The following KAZN variants were observed in gnomAD, a reference collection of about 807,000 sequenced individuals.
KAZN encodes the protein kazrin.
In KAZN, 40 loss-of-function variants were observed where a neutral mutation model predicts 87.4. The observed-to-expected ratio is 0.46, with a 90% CI of 0.36 to 0.60. The LOEUF is 0.60. Among genes scored for constraint, KAZN ranks in the 20% least tolerant of loss-of-function variants. The pLI, the probability that KAZN is intolerant of heterozygous loss-of-function variation, is 0.00. For synonymous variants in KAZN, 466 were observed against 458.3 expected, an observed-to-expected ratio of 1.02 and a Z score of -0.22; for missense variants, 898 against 1,073.9, an observed-to-expected ratio of 0.84 and a Z score of 2.29.
intron 1 of KAZN, among the ~76,000 whole-genome samples, chr1:14,111,295 C>G (rs1644494668): frequency 7.5e-6 from 1 of 134,066 alleles, no homozygotes. Flanking sequence ...CATGGGGATC[C>G]TGGCTGCTGA....
intron 1 of KAZN, among the ~76,000 whole-genome samples, chr1:14,774,518 T>C (rs1022716062): frequency 2.0e-5 from 3 of 150,818 alleles, no homozygotes; most frequent in Admixed American, 6.6e-5. Context: ...TCACCCAGGC[T>C]GGAGTGCAGT....
Position 15,044,031 on chromosome 1 carries a change from C to G in KAZN, c.598C>G (p.Leu200Val). 1.9e-6 allele frequency: 3 copies of G among 1,612,476 alleles called. No homozygotes were observed. The highest frequency in any genetic ancestry group is 8.5e-7 in the Non-Finnish European group (1 of 1,179,780). Residue 200 changes from leucine to valine, a missense_variant, in exon 4 of 15, where the codon CTG (leucine) becomes GTG (valine). By Grantham distance (32) the Leu-to-Val change is conservative. Transcript: ENST00000376030. ...AVKALAKEKD[L>V]LEREKWELRR... is the part of the protein sequence containing the mutation. ...CAAAGCGCTGGCCAAGGAGAAGGACCTGCTGGAGCGTGAGAAGTGGGAGCT... is the reference window on the plus strand; with the variant it reads ...CAAAGCGCTGGCCAAGGAGAAGGACGTGCTGGAGCGTGAGAAGTGGGAGCT...
At chr1:14,325,923 T>A (rs551636397) in intron 2 of KAZN, among the ~76,000 whole-genome samples, 7 of 152,224 alleles carry the variant, frequency 4.6e-5, no homozygotes, top group African/African-American at 1.7e-4. Flanking sequence ...AATCCCCCTC[T>A]CCTCTTAGTG....
chr1:14,014,622 T>A (rs1640477615), intron 1 of KAZN, among the ~76,000 whole-genome samples: 1 of 152,192 alleles, frequency 6.6e-6, no homozygotes, highest in South Asian at 2.1e-4. Flanking sequence ...AAAAGAAGAA[T>A]AATATTTTGT....
intron 1 of KAZN, among the ~76,000 whole-genome samples, chr1:14,675,106 A>G (rs1640137110): frequency 6.6e-6 from 1 of 152,202 alleles, no homozygotes; most frequent in Non-Finnish European, 1.5e-5. Context: ...AGATGTGACT[A>G]CACTGTTTGG....
intron 7 of KAZN, among the ~76,000 whole-genome samples, chr1:15,064,891 C>G (rs574691435): frequency 2.6e-5 from 4 of 152,232 alleles, no homozygotes; most frequent in Non-Finnish European, 4.4e-5. Context: ...CATCCTCCTA[C>G]AAGCCCTCAA....
At chr1:15,108,219 A>G (rs1641362752) in intron 13 of KAZN, among the ~76,000 whole-genome samples, 1 of 152,170 alleles carries the variant, frequency 6.6e-6, no homozygotes, top group African/African-American at 2.4e-5. Flanking sequence ...TTCTCTGGTC[A>G]CTCAGCAGGC....
intron 13 of KAZN, among the ~76,000 whole-genome samples, chr1:15,106,327 T>A (rs184657424): frequency 2.0e-5 from 3 of 152,164 alleles, no homozygotes; most frequent in Admixed American, 2.0e-4. Context: ...GAGCCATGAA[T>A]CAAAAGACAC....
chr1:14,490,324 G>C (rs1669578967), intron 2 of KAZN, among the ~76,000 whole-genome samples: 1 of 152,078 alleles, frequency 6.6e-6, no homozygotes, highest in Admixed American at 6.5e-5. Flanking sequence ...TTTGGCTTTT[G>C]AGTGTGTTTG....
intron 1 of KAZN, among the ~76,000 whole-genome samples, chr1:14,695,542 G>C (rs1287463165): frequency 1.7e-5 from 1 of 57,852 alleles, no homozygotes; most frequent in Non-Finnish European, 4.7e-5. Context: ...GTCTTGCACT[G>C]TCACCCAGGC....
At chr1:14,380,882 A>C (rs1661308035) in intron 2 of KAZN, among the ~76,000 whole-genome samples, 1 of 152,254 alleles carries the variant, frequency 6.6e-6, no homozygotes, top group Non-Finnish European at 1.5e-5. Flanking sequence ...AAGTTATAGA[A>C]TACCAAGCAG....
chr1:14,477,799 G>A (rs894484336), intron 2 of KAZN, among the ~76,000 whole-genome samples: 1 of 152,216 alleles, frequency 6.6e-6, no homozygotes, highest in Non-Finnish European at 1.5e-5. Context: ...ACGTCCAGAG[G>A]AGCTGACTCT....
chr1:14,380,841 T>G (rs1661305246), intron 2 of KAZN, among the ~76,000 whole-genome samples: 1 of 152,098 alleles, frequency 6.6e-6, no homozygotes, highest in Non-Finnish European at 1.5e-5. Context: ...ATCCCAAACC[T>G]AGAGAAAGAT....
chr1:13,991,523 T>C (rs1423407347), intron 1 of KAZN, among the ~76,000 whole-genome samples: 1 of 152,070 alleles, frequency 6.6e-6, no homozygotes, highest in Non-Finnish European at 1.5e-5. Context: ...ACAAAGATAA[T>C]AGTAAAATTC....
intron 2 of KAZN, among the ~76,000 whole-genome samples, chr1:14,352,224 C>T (rs1040379708): frequency 6.6e-6 from 1 of 151,926 alleles, no homozygotes; most frequent in Admixed American, 6.6e-5. Flanking sequence ...TGGTTATGTA[C>T]AATTAGACAC....
At chr1:15,078,955 T>C (rs1639878555) in intron 8 of KAZN, among the ~76,000 whole-genome samples, 1 of 152,228 alleles carries the variant, frequency 6.6e-6, no homozygotes, top group South Asian at 2.1e-4. Flanking sequence ...AACTGGCCTT[T>C]GTGCAATGCA....
rs759670949 is a variant in KAZN at position 15,056,259 on chromosome 1, C to A, written c.895C>A (p.Pro299Thr). Residue 299 changes from proline (P) to threonine (T), a missense_variant, in exon 5 of 15, where the codon CCT becomes ACT. Pro to Thr is a conservative substitution (Grantham distance 38). Coordinates refer to ENST00000376030, the MANE Select transcript of KAZN (RefSeq NM_201628.3). The surrounding 1 kb of genome is among the most constrained non-coding windows in gnomAD (Gnocchi z 5.4). The stretch of plus-strand genomic sequence containing the variant: ...ACAGACTCTCTACCACTCACACCCC[C>A]CTCACCCTGCGGACCGGCAAGGTGA... Reference protein sequence around the residue: ...SQQTLYHSHPPHPADRQAVRV... With the variant: ...SQQTLYHSHPTHPADRQAVRV... The A allele has an allele frequency of 3.7e-6, 6 of 1,608,842 alleles. No homozygotes were observed. The highest frequency in any genetic ancestry group is 5.1e-6 in the Non-Finnish European group (6 of 1,175,822).
chr1:14,678,692 A>G (rs1302222959), intron 1 of KAZN, among the ~76,000 whole-genome samples: 2 of 152,166 alleles, frequency 1.3e-5, no homozygotes, highest in African/African-American at 4.8e-5. Flanking sequence ...CTCAGGTTTC[A>G]TTATTTACTA....
intron 2 of KAZN, among the ~76,000 whole-genome samples, chr1:14,310,545 C>T (rs1571275809): frequency 1.3e-5 from 2 of 152,174 alleles, no homozygotes; most frequent in African/African-American, 4.8e-5. Context: ...AAAATGGTCT[C>T]AATTCCCTTT....
Sources: gnomAD v4.1 joint callset for allele counts (sites outside exome capture counted in the v4.1 genomes callset) on GRCh38, gnomAD v4.1.1 for gene constraint, Gnocchi (gnomAD v3.1) non-coding constraint, MANE v1.5 for transcripts, NCBI Gene and HGNC (gene_info 2026-07-23, HGNC 2026-07-21) for gene names.